The following DENND4C variants were observed in gnomAD, a reference collection of about 807,000 sequenced individuals.
DENND4C encodes DENN domain-containing protein 4C.
In DENND4C, 108 loss-of-function variants were observed where a neutral mutation model predicts 203.0. The observed-to-expected ratio is 0.53, with a 90% confidence interval of 0.46 to 0.62. The LOEUF (loss-of-function observed/expected upper bound fraction) is 0.62, where lower values mean the gene tolerates loss of function less well. DENND4C is among the 20% of genes least tolerant of loss of function. The pLI, the probability that DENND4C is intolerant of heterozygous loss-of-function variation, is 0.00. For missense variants in DENND4C, 2,481 were observed against 2,301.2 expected (o/e 1.08, Z -1.60); for synonymous variants, 871 against 792.4 (o/e 1.10, Z -1.67).
intron 20 of DENND4C, among the ~76,000 whole-genome samples, chr9:19,338,274 A>T (rs1031583718): frequency 9.2e-5 from 14 of 152,160 alleles, no homozygotes; most frequent in Non-Finnish European, 1.5e-5. Flanking sequence ...AAAGCAAAAA[A>T]ATATATTTTT....
intron 12 of DENND4C, 53 bp downstream of exon 12, chr9:19,316,892 A>G: frequency 2.8e-6 from 4 of 1,449,382 alleles, no homozygotes; most frequent in South Asian, 1.3e-5. Flanking sequence ...AATATTTTAT[A>G]TTTGATGTTG....
chr9:19,349,073 A>C (rs1021356194), intron 23 of DENND4C, among the ~76,000 whole-genome samples: 2 of 152,154 alleles, frequency 1.3e-5, no homozygotes, highest in Non-Finnish European at 2.9e-5. Flanking sequence ...TGCTGGGATT[A>C]CAGCCATGAG....
chr9:19,252,259 C>T (rs183915284), intron 1 of DENND4C, among the ~76,000 whole-genome samples: 2 of 152,232 alleles, frequency 1.3e-5, no homozygotes, highest in African/African-American at 2.4e-5. Context: ...CATCAGATCT[C>T]GTGAGACTTA....
intron 26 of DENND4C, among the ~76,000 whole-genome samples, chr9:19,355,076 A>G (rs1320051195): frequency 3.3e-5 from 5 of 150,532 alleles, no homozygotes; most frequent in African/African-American, 1.2e-4. Flanking sequence ...CGCCCGGCTA[A>G]TTTTTTTGTA....
chr9:19,256,171 C>T (rs948154639), intron 1 of DENND4C, among the ~76,000 whole-genome samples: 1 of 151,814 alleles, frequency 6.6e-6, no homozygotes, highest in African/African-American at 2.4e-5. Context: ...AGTACATTCT[C>T]TGACCATAAG....
At chr9:19,269,281 C>T (rs1831143522) in intron 1 of DENND4C, among the ~76,000 whole-genome samples, 2 of 152,250 alleles carry the variant, frequency 1.3e-5, no homozygotes, top group South Asian at 2.1e-4. Context: ...CCTGCCTCGC[C>T]TCCCGAGTAG....
At chr9:19,299,908 C>T (rs1463482474) in intron 8 of DENND4C, among the ~76,000 whole-genome samples, 1 of 152,168 alleles carries the variant, frequency 6.6e-6, no homozygotes, top group Non-Finnish European at 1.5e-5. Flanking sequence ...CATATATTGT[C>T]TGTCACCCCT....
intron 10 of DENND4C, among the ~76,000 whole-genome samples, chr9:19,310,691 ATCT>A (rs576904855): frequency 2.6e-5 from 4 of 152,014 alleles, no homozygotes; most frequent in Non-Finnish European, 4.4e-5. Context: ...ACTTTTTGTG[ATCT>A]TCTTATAGTT....
In DENND4C at chr9:19,346,914, C is replaced by T. The variant is rs539698292; in HGVS notation, c.4145C>T (p.Ser1382Leu). ...STSLSALVRS[S>L]PHGSLGSVVN... is the part of the protein sequence containing the mutation. ...TCTTTGTCAGCACTGGTGCGTTCTTCGCCACATGGCTCGTTGGGTTCTGTA... is the reference window on the plus strand; with the variant it reads ...TCTTTGTCAGCACTGGTGCGTTCTTTGCCACATGGCTCGTTGGGTTCTGTA... The change falls in exon 23 of 33, where the codon TCG (serine) becomes TTG (leucine). Residue 1382 changes from serine (S) to leucine (L), a missense_variant. Ser to Leu is a moderately radical substitution (Grantham distance 145, BLOSUM62 -2). This residue lies in a region of DENND4C where 2,289 missense variants were observed against 2,113.3 expected (regional missense o/e 1.08). Coordinates refer to ENST00000434457, the MANE Select transcript of DENND4C (RefSeq NM_001330640.2). 38 of 1,614,184 alleles carry T rather than the reference C, an allele frequency of 2.4e-5. No individual in the cohort carries two copies. Among genetic ancestry groups the T allele is most frequent in the East Asian group, 6.7e-5 (3 of 44,886 alleles).
chr9:19,335,564 G>C (rs920366888), intron 18 of DENND4C, among the ~76,000 whole-genome samples: 1 of 151,892 alleles, frequency 6.6e-6, no homozygotes, highest in East Asian at 1.9e-4. Flanking sequence ...GCTTTTATGG[G>C]TTTCACTTTC....
intron 23 of DENND4C, among the ~76,000 whole-genome samples, chr9:19,347,394 G>A (rs781724707): frequency 6.6e-6 from 1 of 152,144 alleles, no homozygotes; most frequent in Non-Finnish European, 1.5e-5. Flanking sequence ...GCCTCCCAAA[G>A]TGCTGGGATT....
At chr9:19,352,018 T>C in intron 24 of DENND4C, 55 bp from the exon 25 acceptor site, 1 of 1,483,930 alleles carries the variant, frequency 6.7e-7, no homozygotes, top group South Asian at 1.1e-5. Context: ...GCATGCATTT[T>C]CAAAAAACAA....
In DENND4C at chr9:19,316,762, A is replaced by G. The variant is rs1563796160; in HGVS notation, c.1730A>G (p.Tyr577Cys). Residue 577 changes from tyrosine to cysteine, a missense_variant, in exon 12 of 33, where the codon TAT (tyrosine) becomes TGT (cysteine). Physicochemically the swap from Tyr to Cys is radical, Grantham distance 194 (BLOSUM62 -2). This residue lies in a region of DENND4C where 2,289 missense variants were observed against 2,113.3 expected (regional missense o/e 1.08). Coordinates refer to ENST00000434457, the MANE Select transcript of DENND4C (RefSeq NM_001330640.2). Reference protein sequence around the residue: ...LRFMASILKGYRTYLRPITEA... With the variant: ...LRFMASILKGCRTYLRPITEA... ...TTTATGGCGTCTATTTTAAAAGGAT[A>G]TAGAACATATCTCAGACCAATCACA... The G allele has an allele frequency of 1.2e-6, 2 of 1,614,150 alleles. No individual in the cohort carries two copies. Among genetic ancestry groups the G allele is most frequent in the Non-Finnish European group, 1.7e-6 (2 of 1,180,022 alleles).
chr9:19,365,407 A>G (rs1461073872), intron 30 of DENND4C, among the ~76,000 whole-genome samples: 1 of 152,174 alleles, frequency 6.6e-6, no homozygotes, highest in Admixed American at 6.5e-5. Context: ...TCCGCCTGGT[A>G]ATGGGCATCT....
At chr9:19,357,407 A>G (rs151323984) in intron 27 of DENND4C, 192 of 398,950 alleles carry the variant, frequency 4.8e-4, no homozygotes, top group African/African-American at 3.6e-3. Flanking sequence ...TTCCCTTTTA[A>G]TATAGTCATT....
At chr9:19,325,348 T>C (rs910644392) in intron 13 of DENND4C, among the ~76,000 whole-genome samples, 10 of 152,142 alleles carry the variant, frequency 6.6e-5, no homozygotes, top group African/African-American at 2.4e-4. Context: ...TTCCTAACTT[T>C]TAATATAATT....
At chr9:19,253,004 C>T (rs10964068) in intron 1 of DENND4C, among the ~76,000 whole-genome samples, 2 of 152,202 alleles carry the variant, frequency 1.3e-5, no homozygotes, top group Non-Finnish European at 2.9e-5. Context: ...TCCCAAAGTG[C>T]TGGGATTACA....
At position 19,336,578 on chromosome 9, in the gene DENND4C, A is replaced by G. The variant is rs547977326; in HGVS notation, c.2735-108A>G. On this transcript the variant is annotated intron_variant, in intron 19 of 32. Transcript: ENST00000434457. The stretch of plus-strand genomic sequence containing the variant: ...CAAAATTATTTTTGTTTTTTTCCAG[A>G]AATTTAGAAAGTGTTCTGCAACTAT... 4.5e-4 allele frequency: 646 copies of G among 1,438,842 alleles called. 4 individuals are homozygous for G. In the African/African-American group the frequency reaches 8.4e-3, roughly 19 times the overall value. 89.1% of individuals were successfully genotyped at this position (1,438,842 alleles called of 1,614,324 possible). A position where few individuals can be genotyped will look rare whatever the true frequency, so the allele number is the denominator to read the frequency against.
intron 18 of DENND4C, 37 bp from the exon 19 acceptor site, chr9:19,336,233 C>G: frequency 1.3e-6 from 2 of 1,590,998 alleles, no homozygotes; most frequent in Admixed American, 1.8e-5. Context: ...TCAGATATTG[C>G]TAATGAACAT....
Sources: gnomAD v4.1 joint callset for allele counts (sites outside exome capture counted in the v4.1 genomes callset) on GRCh38, gnomAD v4.1.1 for gene constraint, gnomAD v4.1.1 regional missense constraint, MANE v1.5 for transcripts, NCBI Gene and HGNC (gene_info 2026-07-23, HGNC 2026-07-21) for gene names.